The following ADD1 variants were observed in gnomAD, a reference collection of about 807,000 sequenced individuals.
The protein encoded by ADD1 is adducin 1.
ADD1 carries 24 observed loss-of-function variants against 80.5 expected under a neutral mutation model. The observed-to-expected ratio is 0.30, with a 90% confidence interval of 0.22 to 0.42. ADD1 has a LOEUF of 0.42. Among genes scored for constraint, ADD1 ranks in the 10% least tolerant of loss-of-function variants. The probability of loss-of-function intolerance (pLI) is 1.00; values close to 1 mark genes in which losing one functional copy is unlikely to be tolerated. For missense variants in ADD1, 948 were observed against 1,019.0 expected (o/e 0.93, Z 0.95); for synonymous variants, 373 against 393.8 (o/e 0.95, Z 0.63).
Position 2,869,512 on chromosome 4 carries a change from G to A in ADD1, c.-20-6384G>A, listed in dbSNP as rs189369819. 7.2e-5 allele frequency among the ~76,000 whole-genome samples: 11 copies of A among 152,254 alleles called. No homozygotes were observed. In the East Asian group the frequency reaches 1.7e-3, roughly 24 times the overall value. ...CTGTAGCGACCCTATTTCCAAATAA[G>A]GGCATATTCTGAGGAACTGGGGGTT... is the stretch of plus-strand genomic sequence containing the variant. On this transcript the variant is annotated intron_variant, in intron 1 of 15. Transcript: ENST00000683351.
At chr4:2,907,316 AC>A (rs1737234092) in intron 10 of ADD1, 1 of 168,596 alleles carries the variant, frequency 5.9e-6, no homozygotes, top group Admixed American at 5.8e-5. Context: ...CTCCTCCCTA[AC>A]CCTGGGTAGC....
At chr4:2,891,738 GT>G (rs567648801) in intron 4 of ADD1, among the ~76,000 whole-genome samples, 93 of 152,178 alleles carry the variant, frequency 6.1e-4, no homozygotes, top group Non-Finnish European at 1.2e-3. Flanking sequence ...ACCATAGCCA[GT>G]TCTTGGCAGA....
At chr4:2,877,840 G>A (rs1241251073) in intron 2 of ADD1, among the ~76,000 whole-genome samples, 1 of 152,172 alleles carries the variant, frequency 6.6e-6, no homozygotes, top group Non-Finnish European at 1.5e-5. Context: ...GCTAGGTGTG[G>A]TGGCATGCCC....
At chr4:2,908,256 CAGTG>C (rs556923494) in intron 11 of ADD1, among the ~76,000 whole-genome samples, 552 of 152,344 alleles carry the variant, frequency 3.6e-3, no homozygotes, top group Non-Finnish European at 6.4e-3. Context: ...AAGTTAATGA[CAGTG>C]AGAGATAGGT....
rs201922802 is a variant in ADD1, at chr4:2,908,735, CCTT to C, written c.1698+133_1698+135del. 2.6e-3 allele frequency: 1,986 copies of C among 768,060 alleles called. 22 individuals carry two copies. The African/African-American group carries it at 0.03, about 12-fold the overall frequency. 47.6% of individuals were successfully genotyped at this position (768,060 alleles called of 1,614,324 possible). A position where few individuals can be genotyped will look rare whatever the true frequency, so the allele number is the denominator to read the frequency against. The stretch of plus-strand genomic sequence containing the variant: ...AGGCAACCAGTTACCTTTGTTAAAA[CCTT>C]CATGATGAGAAACGGTTCAGGCACT... On this transcript the variant is annotated intron_variant, in intron 12 of 15. Coordinates refer to ENST00000683351, the MANE Select transcript of ADD1 (RefSeq NM_001354761.2).
intron 2 of ADD1, among the ~76,000 whole-genome samples, chr4:2,880,047 C>A (rs1731986501): frequency 6.6e-6 from 1 of 152,178 alleles, no homozygotes; most frequent in Admixed American, 6.5e-5. Flanking sequence ...CCCTTTCTCT[C>A]TCATTGCATT....
intron 1 of ADD1, among the ~76,000 whole-genome samples, chr4:2,854,393 G>T (rs1350628299): frequency 6.6e-6 from 1 of 152,150 alleles, no homozygotes; most frequent in Non-Finnish European, 1.5e-5. Flanking sequence ...GAGGTGCAAG[G>T]TTCTGTATAT....
chr4:2,880,428 C>A (rs561538680), intron 2 of ADD1, among the ~76,000 whole-genome samples: 11 of 127,110 alleles, frequency 8.7e-5, no homozygotes, highest in Admixed American at 6.4e-4. Flanking sequence ...TACCGGATAT[C>A]ATTTATAATT....
chr4:2,883,364 C>T (rs951408618), intron 3 of ADD1, among the ~76,000 whole-genome samples: 1 of 151,046 alleles, frequency 6.6e-6, no homozygotes, highest in Non-Finnish European at 1.5e-5. Context: ...TAAACATAGT[C>T]AGTGTGTTTC....
intron 13 of ADD1, among the ~76,000 whole-genome samples, chr4:2,912,298 C>G (rs1183202533): frequency 2.0e-5 from 3 of 152,182 alleles, no homozygotes; most frequent in African/African-American, 7.2e-5. Context: ...AGTCATTGCT[C>G]TGTGTCCTTT....
At chr4:2,916,125 C>T (rs1738987950) in intron 14 of ADD1, among the ~76,000 whole-genome samples, 1 of 151,626 alleles carries the variant, frequency 6.6e-6, no homozygotes, top group Non-Finnish European at 1.5e-5. Flanking sequence ...CAAAAGAATT[C>T]ACTAATTTGG....
Position 2,928,669 on chromosome 4 carries a change from A to G in ADD1, c.*146A>G. On this transcript the variant is annotated 3_prime_UTR_variant, in exon 16 of 16. Transcript: ENST00000683351. ...TCCCCTCACGTGACCAGCCCCGTGT[A>G]GCCCCGGGCTGACCCAGTGTGTGCT... The G allele has an allele frequency of 1.2e-6, 1 of 818,750 alleles. No individual in the cohort carries two copies. The highest frequency in any genetic ancestry group is 2.8e-5 in the East Asian group (1 of 36,238). The allele number at this position is 818,750 out of a possible 1,614,324, so 50.7% of individuals were successfully genotyped here.
Position 2,890,215 on chromosome 4 carries a change from A to G in ADD1, c.511-3798A>G, listed in dbSNP as rs148757541. ...TCTCAAAAAAAAAAAAAAAGAAATA[A>G]TATCTGGAATAGATAACTGTCAGTA... On this transcript the variant is annotated intron_variant, in intron 4 of 15. Transcript: ENST00000683351. Among the ~76,000 whole-genome samples, 265 of 152,210 alleles carry G rather than the reference A, an allele frequency of 1.7e-3. 1 individual carries two copies. The highest frequency in any genetic ancestry group is 5.8e-3 in the African/African-American group (239 of 41,550).
At chr4:2,883,125 G>A (rs573676267) in intron 3 of ADD1, among the ~76,000 whole-genome samples, 6 of 152,046 alleles carry the variant, frequency 3.9e-5, no homozygotes, top group African/African-American at 7.2e-5. Flanking sequence ...GCCTCCCTAA[G>A]TGCTGGGATT....
intron 1 of ADD1, among the ~76,000 whole-genome samples, chr4:2,869,769 G>T (rs1730133304): frequency 2.0e-5 from 3 of 152,102 alleles, no homozygotes; most frequent in South Asian, 2.1e-4. Context: ...TTTATTATGC[G>T]CCAGGAGTTA....
At chr4:2,908,756 C>A in intron 12 of ADD1, 152 bp downstream of exon 12, 1 of 686,818 alleles carries the variant, frequency 1.5e-6, no homozygotes, top group Non-Finnish European at 2.5e-6. Flanking sequence ...AGAAACGGTT[C>A]AGGCACTTTT....
intron 4 of ADD1, among the ~76,000 whole-genome samples, chr4:2,892,071 C>A (rs1734383316): frequency 6.6e-6 from 1 of 152,144 alleles, no homozygotes; most frequent in African/African-American, 2.4e-5. Context: ...AGTAGGTGGT[C>A]ATTTCTTTCC....
At chr4:2,847,120 A>AAAAAAC (rs772903700) in intron 1 of ADD1, among the ~76,000 whole-genome samples, 3 of 151,994 alleles carry the variant, frequency 2.0e-5, no homozygotes, top group Non-Finnish European at 4.4e-5. Flanking sequence ...CTCCGTCTCA[A>AAAAAAC]AAAAACAAAA....
intron 1 of ADD1, chr4:2,853,106 A>C (rs1011379867): frequency 7.0e-6 from 1 of 143,042 alleles, no homozygotes; most frequent in Admixed American, 7.0e-5. Flanking sequence ...TTGGTCACTT[A>C]CTTTTTTTTT....
Sources: gnomAD v4.1 joint callset for allele counts (sites outside exome capture counted in the v4.1 genomes callset) on GRCh38, gnomAD v4.1.1 for gene constraint, MANE v1.5 for transcripts, NCBI Gene and HGNC (gene_info 2026-07-23, HGNC 2026-07-21) for gene names.